ULK4: variants seen among roughly 807,000 people sequenced by gnomAD.
The protein encoded by ULK4 is unc-51 like kinase 4.
In ULK4, 133 loss-of-function variants were observed where a neutral mutation model predicts 160.6. The ratio of observed to expected loss-of-function variants is 0.83; its 90% CI spans 0.72 to 0.96. ULK4 has a LOEUF of 0.96. Ranked by LOEUF, ULK4 falls within the 40% of genes least tolerant of loss-of-function variation. ULK4 has a pLI of 0.00. For synonymous variants in ULK4, 534 were observed against 539.8 expected (o/e 0.99, Z 0.15); for missense variants, 1,580 against 1,499.5 (o/e 1.05, Z -0.89).
chr3:41,338,836 C>G (rs566786174), intron 35 of ULK4, among the ~76,000 whole-genome samples: 93 of 151,692 alleles, frequency 6.1e-4, no homozygotes, highest in African/African-American at 2.2e-3. Flanking sequence ...GGCCTGAGAA[C>G]CAGGAATGCC....
intron 17 of ULK4, among the ~76,000 whole-genome samples, chr3:41,850,597 G>A (rs2125672939): frequency 6.6e-6 from 1 of 152,274 alleles, no homozygotes. Context: ...TGTTTTAGCT[G>A]CATAAATGTC....
At chr3:41,436,228 A>G (rs1417217863) in intron 34 of ULK4, among the ~76,000 whole-genome samples, 2 of 152,174 alleles carry the variant, frequency 1.3e-5, no homozygotes, top group Admixed American at 1.3e-4. Context: ...GAGCACATAT[A>G]AGGTAGGCGA....
At chr3:41,748,660 T>G (rs1212038082) in intron 22 of ULK4, among the ~76,000 whole-genome samples, 1 of 152,196 alleles carries the variant, frequency 6.6e-6, no homozygotes, top group African/African-American at 2.4e-5. Context: ...CCCCTGCACC[T>G]TCCTTATTCT....
chr3:41,684,386 G>A (rs1360790883), intron 27 of ULK4, among the ~76,000 whole-genome samples: 1 of 152,188 alleles, frequency 6.6e-6, no homozygotes, highest in Admixed American at 6.5e-5. Flanking sequence ...CGTTGCTGCA[G>A]GTCCTTGAAA....
chr3:41,944,880 T>C (rs1159978444), intron 2 of ULK4, among the ~76,000 whole-genome samples: 1 of 152,138 alleles, frequency 6.6e-6, no homozygotes, highest in Non-Finnish European at 1.5e-5. Flanking sequence ...ACACAAGTGG[T>C]TTCTCTCATC....
At chr3:41,699,136 T>A (rs1183466510) in intron 27 of ULK4, among the ~76,000 whole-genome samples, 1 of 152,224 alleles carries the variant, frequency 6.6e-6, no homozygotes, top group East Asian at 1.9e-4. Context: ...AGTCACAGTA[T>A]ATGCATATGT....
intron 30 of ULK4, among the ~76,000 whole-genome samples, chr3:41,659,419 A>G (rs1277943247): frequency 6.6e-6 from 1 of 152,228 alleles, no homozygotes; most frequent in African/African-American, 2.4e-5. Context: ...CAGACCAACG[A>G]ACTATTGGCA....
rs578120149 is a variant in ULK4 at position 41,869,358 on chromosome 3, T to TGAGGCCAGGAGTTC, written c.1656+14502_1656+14515dup. 3.1e-3 allele frequency among the ~76,000 whole-genome samples: 472 copies of TGAGGCCAGGAGTTC among 152,292 alleles called. 1 individual carries two copies. Among genetic ancestry groups the TGAGGCCAGGAGTTC allele is most frequent in the African/African-American group, 0.011 (448 of 41,554 alleles). ...GGGAAGCTAAGGCGGATGAATCACCTGAGGCCAGGAGTTCAAGACCAGCCT... is the reference window on the plus strand; with the variant it reads ...GGGAAGCTAAGGCGGATGAATCACCTGAGGCCAGGAGTTCGAGGCCAGGAGTTCAAGACCAGCCT... On this transcript the variant is annotated intron_variant, in intron 17 of 36. Coordinates refer to ENST00000301831, the MANE Select transcript of ULK4 (RefSeq NM_017886.4).
intron 31 of ULK4, among the ~76,000 whole-genome samples, chr3:41,582,718 CA>C (rs2030474193): frequency 6.6e-6 from 1 of 152,202 alleles, no homozygotes; most frequent in Admixed American, 6.5e-5. Context: ...TACAATAAAC[CA>C]GGGGAAATAT....
chr3:41,489,050 G>C (rs532422598), intron 32 of ULK4, among the ~76,000 whole-genome samples: 2 of 151,616 alleles, frequency 1.3e-5, no homozygotes, highest in Non-Finnish European at 2.9e-5. Flanking sequence ...CCCAACCCCT[G>C]ACCCTCAGTT....
chr3:41,886,344 G>A (rs1417722022), intron 16 of ULK4, among the ~76,000 whole-genome samples: 3 of 152,046 alleles, frequency 2.0e-5, no homozygotes, highest in Non-Finnish European at 2.9e-5. Flanking sequence ...GCTGTATCCC[G>A]ATCGCCACTG....
intron 31 of ULK4, among the ~76,000 whole-genome samples, chr3:41,577,206 C>T (rs1050708878): frequency 3.3e-5 from 5 of 152,102 alleles, no homozygotes; most frequent in Non-Finnish European, 4.4e-5. Flanking sequence ...GAAAAAAAAC[C>T]GGGCCAAGCC....
At chr3:41,828,375 G>C (rs896440878) in intron 18 of ULK4, among the ~76,000 whole-genome samples, 2 of 150,354 alleles carry the variant, frequency 1.3e-5, no homozygotes, top group African/African-American at 4.9e-5. Context: ...GTTTACAGAT[G>C]ACATGATTGT....
At chr3:41,823,577 T>C (rs1431866175) in intron 18 of ULK4, among the ~76,000 whole-genome samples, 2 of 152,198 alleles carry the variant, frequency 1.3e-5, no homozygotes, top group Non-Finnish European at 2.9e-5. Flanking sequence ...TCTGTAAGCC[T>C]GAAACCTTAG....
At chr3:41,771,799 C>T (rs1382473502) in intron 21 of ULK4, among the ~76,000 whole-genome samples, 1 of 152,052 alleles carries the variant, frequency 6.6e-6, no homozygotes, top group Non-Finnish European at 1.5e-5. Context: ...TATATAATAC[C>T]AATCCTTTTA....
At chr3:41,521,384 A>C (rs1349672048) in intron 32 of ULK4, among the ~76,000 whole-genome samples, 1 of 151,496 alleles carries the variant, frequency 6.6e-6, no homozygotes, top group African/African-American at 2.4e-5. Context: ...TTTTTTTTTC[A>C]ATTTTCAAAA....
In ULK4 at chr3:41,591,943, CG is replaced by C. The variant is rs2031340689; in HGVS notation, c.3120+23725del. Among the ~76,000 whole-genome samples the C allele has an allele frequency of 4.6e-5, 7 of 152,284 alleles. No individual in the cohort carries two copies. In the South Asian group the frequency reaches 1.4e-3, roughly 32 times the overall value. ...GTCAAGGGATGCTGGAGGATCATGACGGATGGCAGGCAGGATAGACTGCAGC... is the reference window on the plus strand; with the variant it reads ...GTCAAGGGATGCTGGAGGATCATGACGATGGCAGGCAGGATAGACTGCAGC... On this transcript the variant is annotated intron_variant, in intron 31 of 36. Coordinates refer to ENST00000301831, the MANE Select transcript of ULK4 (RefSeq NM_017886.4).
intron 35 of ULK4, among the ~76,000 whole-genome samples, chr3:41,292,772 C>T (rs1369611944): frequency 1.3e-5 from 2 of 150,962 alleles, no homozygotes; most frequent in East Asian, 2.0e-4. Context: ...GGTGAAACCC[C>T]GTCTCTATTA....
intron 34 of ULK4, among the ~76,000 whole-genome samples, chr3:41,440,024 AG>A (rs2125855479): frequency 6.6e-6 from 1 of 152,326 alleles, no homozygotes; most frequent in East Asian, 1.9e-4. Flanking sequence ...GAAATAAAAT[AG>A]ATTTTTTTGC....
Sources: gnomAD v4.1 joint callset for allele counts (sites outside exome capture counted in the v4.1 genomes callset) on GRCh38, gnomAD v4.1.1 for gene constraint, MANE v1.5 for transcripts, NCBI Gene and HGNC (gene_info 2026-07-23, HGNC 2026-07-21) for gene names.